The following FOXK1 variants were observed in gnomAD, a reference collection of about 807,000 sequenced individuals.
FOXK1 encodes forkhead box protein K1.
A neutral mutation model predicts 51.9 loss-of-function variants in FOXK1; 19 were observed. That is an observed-to-expected ratio of 0.37 (90% CI 0.26 to 0.54). The LOEUF (loss-of-function observed/expected upper bound fraction) is 0.54. Ranked by LOEUF, FOXK1 falls within the 20% of genes least tolerant of loss-of-function variation. The pLI is 0.87. For missense variants in FOXK1, 870 were observed against 1,032.7 expected (o/e 0.84, Z 2.16); for synonymous variants, 537 against 482.6 (o/e 1.11, Z -1.48).
rs1156587391 is a variant in FOXK1 at position 4,762,412 on chromosome 7, C to T, written c.2150C>T (p.Pro717Leu). ...GAGCCCAGTGGTGCTGTAACCACAC[C>T]GGCTGGAGTGATCGCAGCTGCCGGC... ...VEEPSGAVTT[P>L]AGVIAAAGPQ... is the part of the protein sequence containing the mutation. The change falls in exon 9 of 9, where the codon CCG becomes CTG. Residue 717 changes from proline (P) to leucine (L), a missense_variant. Coordinates refer to ENST00000328914, the MANE Select transcript of FOXK1 (RefSeq NM_001037165.2). This position sits in a 1 kb window ranked among gnomAD's most constrained non-coding sequence, Gnocchi z 5.7. 10 of 1,549,342 alleles carry T rather than the reference C, an allele frequency of 6.5e-6. No individual in the cohort carries two copies. Among genetic ancestry groups the T allele is most frequent in the African/African-American group, 2.7e-5 (2 of 73,002 alleles).
At position 4,762,191 on chromosome 7, in the gene FOXK1, C is replaced by G; in HGVS notation, c.1929C>G (p.Thr643=). 1 of 1,551,322 alleles carries G rather than the reference C, an allele frequency of 6.4e-7. No homozygotes were observed. Among genetic ancestry groups the G allele is most frequent in the Non-Finnish European group, 8.7e-7 (1 of 1,145,656 alleles). Residue 643 remains threonine (T), a synonymous_variant, in exon 9 of 9, where the codon ACC becomes ACG. Transcript: ENST00000328914. The surrounding 1 kb of genome is among the most constrained non-coding windows in gnomAD (Gnocchi z 5.7). ...NSLAGNAYAL[T]SPLQLLATQA... ...CTTCTTCCTCCACTCCAGCCCTCAC[C>G]AGCCCTTTGCAGCTCCTTGCGACCC...
chr7:4,759,257 G>C (rs746221966), intron 6 of FOXK1, 40 bp downstream of exon 6: 1 of 1,607,320 alleles, frequency 6.2e-7, no homozygotes, highest in African/African-American at 1.3e-5. Context: ...GGGGCGGGGC[G>C]GGACTCGTGG....
chr7:4,713,239 A>G (rs1181802169), intron 1 of FOXK1, among the ~76,000 whole-genome samples: 1 of 152,172 alleles, frequency 6.6e-6, no homozygotes, highest in African/African-American at 2.4e-5. Context: ...GAAAATTATT[A>G]TTTCTTTTCT....
At chr7:4,699,005 A>G (rs534549771) in intron 1 of FOXK1, among the ~76,000 whole-genome samples, 13 of 152,256 alleles carry the variant, frequency 8.5e-5, no homozygotes, top group African/African-American at 3.1e-4. Context: ...CATTTTTGCC[A>G]TTTGTCCCAG....
chr7:4,751,689 G>A (rs1780780929), intron 2 of FOXK1, among the ~76,000 whole-genome samples: 1 of 152,230 alleles, frequency 6.6e-6, no homozygotes, highest in African/African-American at 2.4e-5. Flanking sequence ...CTGCTCCGAG[G>A]GCTGGAGGAG....
intron 1 of FOXK1, among the ~76,000 whole-genome samples, chr7:4,688,063 C>T (rs1011693628): frequency 5.9e-5 from 9 of 152,068 alleles, no homozygotes; most frequent in South Asian, 2.1e-4. Flanking sequence ...TTATCATGGA[C>T]AATTTCAAAC....
Position 4,730,563 on chromosome 7 carries a change from C to T in FOXK1, c.561-10275C>T, listed in dbSNP as rs557472799. Among the ~76,000 whole-genome samples the T allele has an allele frequency of 6.6e-5, 10 of 152,266 alleles. No homozygotes were observed. In the East Asian group the frequency reaches 1.2e-3, roughly 18 times the overall value. On this transcript the variant is annotated intron_variant, in intron 1 of 8. Transcript: ENST00000328914. This position sits in a 1 kb window ranked among gnomAD's most constrained non-coding sequence, Gnocchi z 4.7. ...TTTGTGTTGCTGTCAGGGACCTTGC[C>T]GACCCAGCCCCCGCCCCGCCTTCAA...
intron 1 of FOXK1, among the ~76,000 whole-genome samples, chr7:4,698,663 C>G (rs912404226): frequency 6.6e-6 from 1 of 152,114 alleles, no homozygotes; most frequent in African/African-American, 2.4e-5. Flanking sequence ...AGTGATCCTC[C>G]CACCTCAGCC....
Position 4,753,480 on chromosome 7 carries a change from C to T in FOXK1, c.747-979C>T, listed in dbSNP as rs149200833. ...GCAGTGCAGCAGGGAGCATCCTACC[C>T]GCCACGGGGGCTCTAAGTCAGCTGA... On this transcript the variant is annotated intron_variant, in intron 2 of 8. Transcript: ENST00000328914. The surrounding 1 kb of genome is among the most constrained non-coding windows in gnomAD (Gnocchi z 4.9). 1.3e-3 allele frequency among the ~76,000 whole-genome samples: 202 copies of T among 152,090 alleles called. 1 individual carries two copies. The highest frequency in any genetic ancestry group is 4.3e-3 in the African/African-American group (180 of 41,500).
rs926057005 is a variant in FOXK1, at chr7:4,703,799, G to C, written c.560+20931G>C. On this transcript the variant is annotated intron_variant, in intron 1 of 8. Transcript: ENST00000328914. The surrounding 1 kb of genome is among the most constrained non-coding windows in gnomAD (Gnocchi z 5.6). ...AAAAGTAGGTGAAAAGGGAATCGCA[G>C]CCTGCCGAGAGCTTTAGAGAGACTC... Among the ~76,000 whole-genome samples, 1 of 152,130 alleles carries C rather than the reference G, an allele frequency of 6.6e-6. No homozygotes were observed. The highest frequency in any genetic ancestry group is 2.4e-5 in the African/African-American group (1 of 41,434).
At chr7:4,760,976 C>G in intron 7 of FOXK1, 88 bp from the exon 8 acceptor site, 1 of 1,285,674 alleles carries the variant, frequency 7.8e-7, no homozygotes, top group Non-Finnish European at 1.1e-6. Context: ...CCTCACTTTC[C>G]CCACTTGTCC....
intron 1 of FOXK1, among the ~76,000 whole-genome samples, chr7:4,728,747 A>G (rs886244542): frequency 6.6e-6 from 1 of 151,266 alleles, no homozygotes; most frequent in Non-Finnish European, 1.5e-5. Context: ...AAAAAAAAAA[A>G]AAAAGAAAGA....
At chr7:4,691,582 C>T (rs1322242243) in intron 1 of FOXK1, among the ~76,000 whole-genome samples, 1 of 151,974 alleles carries the variant, frequency 6.6e-6, no homozygotes, top group Admixed American at 6.6e-5. Context: ...ATGATCCACC[C>T]ACCTCGGCCT....
At position 4,725,675 on chromosome 7, in the gene FOXK1, G is replaced by C. The variant is rs151214056; in HGVS notation, c.561-15163G>C. Among the ~76,000 whole-genome samples, 887 of 152,386 alleles carry C rather than the reference G, an allele frequency of 5.8e-3. 8 individuals carry two copies. Among genetic ancestry groups the C allele is most frequent in the African/African-American group, 0.02 (835 of 41,594 alleles). Reference sequence around the variant, plus strand: ...TACTGCTTGGCAGTGGACACACCAAGGCTGCCGACTGGCCCAGTGGGTGGC... The same window carrying C: ...TACTGCTTGGCAGTGGACACACCAACGCTGCCGACTGGCCCAGTGGGTGGC... On this transcript the variant is annotated intron_variant, in intron 1 of 8. Transcript: ENST00000328914.
Position 4,756,741 on chromosome 7 carries a change from G to A in FOXK1, c.1051-253G>A, listed in dbSNP as rs1426206489. Among the ~76,000 whole-genome samples the A allele has an allele frequency of 6.6e-6, 1 of 151,684 alleles. No homozygotes were observed. Among genetic ancestry groups the A allele is most frequent in the Non-Finnish European group, 1.5e-5 (1 of 67,928 alleles). On this transcript the variant is annotated intron_variant, in intron 4 of 8. Coordinates refer to ENST00000328914, the MANE Select transcript of FOXK1 (RefSeq NM_001037165.2). This position sits in a 1 kb window ranked among gnomAD's most constrained non-coding sequence, Gnocchi z 4.1. The stretch of plus-strand genomic sequence containing the variant: ...GATCGTGCCACTGCACTCCATCCTG[G>A]GCGACAGAATGAGACTCCGTCAAAA...
Position 4,707,178 on chromosome 7 carries a change from G to C in FOXK1, c.560+24310G>C, listed in dbSNP as rs987313346. 7.9e-5 allele frequency among the ~76,000 whole-genome samples: 12 copies of C among 152,204 alleles called. No individual in the cohort carries two copies. Among genetic ancestry groups the C allele is most frequent in the African/African-American group, 2.7e-4 (11 of 41,446 alleles). Reference sequence around the variant, plus strand: ...CCTCTTTGTTACCACCCCTGGTGCGGTGGACACAGACATTGCCCAAACACT... The same window carrying C: ...CCTCTTTGTTACCACCCCTGGTGCGCTGGACACAGACATTGCCCAAACACT... On this transcript the variant is annotated intron_variant, in intron 1 of 8. Transcript: ENST00000328914. This position sits in a 1 kb window ranked among gnomAD's most constrained non-coding sequence, Gnocchi z 4.1.
chr7:4,689,979 C>T (rs1269284355), intron 1 of FOXK1, among the ~76,000 whole-genome samples: 4 of 152,250 alleles, frequency 2.6e-5, no homozygotes, highest in South Asian at 2.1e-4. Context: ...CTCTTTCCAG[C>T]GAGTAGACGT....
intron 2 of FOXK1, among the ~76,000 whole-genome samples, chr7:4,750,232 A>G (rs1380590073): frequency 6.6e-6 from 1 of 152,030 alleles, no homozygotes; most frequent in African/African-American, 2.4e-5. Flanking sequence ...GTGGGCTGTC[A>G]CTGTCCAGCC....
rs1780655509 is a variant in FOXK1, at chr7:4,743,048, C to CCCGTCTGAGT, written c.746+2027_746+2036dup. Among the ~76,000 whole-genome samples the CCCGTCTGAGT allele has an allele frequency of 6.6e-6, 1 of 152,176 alleles. No homozygotes were observed. The highest frequency in any genetic ancestry group is 2.1e-4 in the South Asian group (1 of 4,824). ...GCCCCCCACCTTCCCGGGCCCGGTT[C>CCCGTCTGAGT]CCGTCTGAGTCAGTGCTGTGACGTC... On this transcript the variant is annotated intron_variant, in intron 2 of 8. Transcript: ENST00000328914. The surrounding 1 kb of genome is among the most constrained non-coding windows in gnomAD (Gnocchi z 5.3).
Sources: allele counts gnomAD v4.1 joint callset (sites outside exome capture counted in the v4.1 genomes callset), GRCh38; gene constraint gnomAD v4.1.1; non-coding constraint Gnocchi (gnomAD v3.1); transcripts MANE v1.5; gene names NCBI Gene and HGNC (gene_info 2026-07-23, HGNC 2026-07-21).